The following FBXO33 variants were observed in gnomAD, a reference collection of about 807,000 sequenced individuals.
The protein encoded by FBXO33 is F-box only protein 33.
Under a neutral mutation model 46.3 loss-of-function variants are expected in FBXO33, and 22 were observed. That is an observed-to-expected ratio of 0.48 (90% confidence interval 0.34 to 0.68). The LOEUF is 0.68. FBXO33 is among the 30% of genes least tolerant of loss of function. The pLI, the probability that FBXO33 is intolerant of heterozygous loss-of-function variation, is 0.01. For missense variants in FBXO33, 692 were observed against 708.8 expected, an observed-to-expected ratio of 0.98 and a Z score of 0.27; for synonymous variants, 337 against 291.3, an observed-to-expected ratio of 1.16 and a Z score of -1.60.
Position 39,432,323 on chromosome 14 carries a change from G to A in FBXO33, c.-161C>T. On this transcript the variant is annotated 5_prime_UTR_variant, in exon 1 of 4. Coordinates refer to ENST00000298097, the MANE Select transcript of FBXO33 (RefSeq NM_203301.4). ...CACGTGCGTCCGAGGCCGGCACACT[G>A]AGTAACTGCACTGCCCTCGCTCGTA... The A allele has an allele frequency of 2.1e-6, 1 of 467,914 alleles. No homozygotes were observed. The highest frequency in any genetic ancestry group is 4.6e-5 in the East Asian group (1 of 21,832). 29.0% of individuals were successfully genotyped at this position (467,914 alleles called of 1,614,324 possible).
At chr14:39,408,996 C>T (rs1188643137) in intron 1 of FBXO33, among the ~76,000 whole-genome samples, 3 of 151,786 alleles carry the variant, frequency 2.0e-5, no homozygotes, top group African/African-American at 4.8e-5. Flanking sequence ...AGGCTGGTCT[C>T]GAGCTCCTGG....
chr14:39,411,284 G>A (rs1345741907), intron 1 of FBXO33, among the ~76,000 whole-genome samples: 1 of 151,746 alleles, frequency 6.6e-6, no homozygotes, highest in African/African-American at 2.4e-5. Context: ...AGTAGAGACA[G>A]GGTTTCACTA....
intron 1 of FBXO33, among the ~76,000 whole-genome samples, chr14:39,416,415 A>G (rs1474781851): frequency 6.6e-6 from 1 of 152,062 alleles, no homozygotes; most frequent in Non-Finnish European, 1.5e-5. Flanking sequence ...CCCTCACCAG[A>G]TTTGGGAAAT....
rs1268196312 is a variant in FBXO33 at position 39,399,700 on chromosome 14, A to G, written c.1484T>C (p.Ile495Thr). The G allele has an allele frequency of 3.1e-6, 5 of 1,614,078 alleles. No homozygotes were observed. Among genetic ancestry groups the G allele is most frequent in the East Asian group, 2.2e-5 (1 of 44,880 alleles). The change falls in exon 4 of 4, where the codon ATT becomes ACT. Residue 495 changes from isoleucine to threonine, a missense_variant. Around this residue, in one of 3 missense-constraint regions of FBXO33, gnomAD observed 94 missense variants for 91.9 expected, o/e 1.02. Coordinates refer to ENST00000298097, the MANE Select transcript of FBXO33 (RefSeq NM_203301.4). ...GGCCAGTTCACCTTGGTCAAAATCAATGCTTTCTTCGGTGACTTCAAGCAC... is the reference window on the plus strand; with the variant it reads ...GGCCAGTTCACCTTGGTCAAAATCAGTGCTTTCTTCGGTGACTTCAAGCAC... ...LKVLEVTEES[I>T]DFDQGELADQ... is the part of the protein sequence containing the mutation.
Position 39,432,265 on chromosome 14 carries a change from C to T in FBXO33, c.-103G>A, listed in dbSNP as rs1372830426. On this transcript the variant is annotated 5_prime_UTR_variant, in exon 1 of 4. Coordinates refer to ENST00000298097, the MANE Select transcript of FBXO33 (RefSeq NM_203301.4). ...AAAGGCCTCTGCGGGCGTGGCCTGC[C>T]GGGAGCCAGCCTCTGTCTTCTCAAA... 6 of 984,572 alleles carry T rather than the reference C, an allele frequency of 6.1e-6. No individual in the cohort carries two copies. In the East Asian group the frequency reaches 2.1e-4, roughly 35 times the overall value. 61.0% of individuals were successfully genotyped at this position (984,572 alleles called of 1,614,324 possible).
intron 1 of FBXO33, among the ~76,000 whole-genome samples, chr14:39,402,827 C>T (rs866510574): frequency 3.9e-5 from 6 of 152,018 alleles, no homozygotes; most frequent in African/African-American, 9.6e-5. Flanking sequence ...GGACTACAGG[C>T]GCCCGCCACC....
At chr14:39,403,576 T>C (rs1408162264) in intron 1 of FBXO33, among the ~76,000 whole-genome samples, 2 of 152,178 alleles carry the variant, frequency 1.3e-5, no homozygotes, top group South Asian at 2.1e-4. Flanking sequence ...TAGAAAACTA[T>C]GTTAAAATCT....
intron 1 of FBXO33, among the ~76,000 whole-genome samples, chr14:39,410,824 A>C (rs1366162625): frequency 6.6e-6 from 1 of 152,160 alleles, no homozygotes; most frequent in Non-Finnish European, 1.5e-5. Flanking sequence ...GAAGGCTCAC[A>C]GGAGTCTCTT....
chr14:39,418,738 G>A (rs2075463118), intron 1 of FBXO33, among the ~76,000 whole-genome samples: 1 of 143,958 alleles, frequency 6.9e-6, no homozygotes, highest in Non-Finnish European at 1.5e-5. Flanking sequence ...TCGCGCCACT[G>A]CACTCCAGCC....
rs1185609967 is a variant in FBXO33, at chr14:39,398,754, C to T, written c.*762G>A. 6.6e-6 allele frequency: 1 copy of T among 152,540 alleles called. No homozygotes were observed. Among genetic ancestry groups the T allele is most frequent in the Non-Finnish European group, 1.5e-5 (1 of 68,012 alleles). The allele number at this position is 152,540 out of a possible 1,614,324, so 9.4% of individuals were successfully genotyped here. A position where few individuals can be genotyped will look rare whatever the true frequency, so the allele number is the denominator to read the frequency against. On this transcript the variant is annotated 3_prime_UTR_variant, in exon 4 of 4. Transcript: ENST00000298097. ...TATTTACAACTCTGTGTTTTTATTT[C>T]CTTTAGGAGATTTTACTCTGAAATA...
chr14:39,428,082 T>C (rs371187139), intron 1 of FBXO33, among the ~76,000 whole-genome samples: 34 of 152,362 alleles, frequency 2.2e-4, no homozygotes, highest in African/African-American at 7.9e-4. Context: ...TTACAGGATA[T>C]ATAAGCAGAC....
intron 1 of FBXO33, among the ~76,000 whole-genome samples, chr14:39,419,359 A>AC (rs1462889624): frequency 7.2e-5 from 11 of 152,034 alleles, no homozygotes; most frequent in Non-Finnish European, 1.3e-4. Context: ...AGAAAACCAT[A>AC]AAAAAAATGA....
At chr14:39,410,249 GAA>G (rs2075416608) in intron 1 of FBXO33, among the ~76,000 whole-genome samples, 1 of 152,182 alleles carries the variant, frequency 6.6e-6, no homozygotes, top group African/African-American at 2.4e-5. Context: ...TATCATGAAA[GAA>G]TGTTGAATTT....
In FBXO33 at chr14:39,401,525, C is replaced by T; in HGVS notation, c.1047G>A (p.Lys349=). 1 of 1,614,190 alleles carries T rather than the reference C, an allele frequency of 6.2e-7. No individual in the cohort carries two copies. The highest frequency in any genetic ancestry group is 1.1e-5 in the South Asian group (1 of 91,084). ...CATCATTTGGCATGTTGTCCAGAGACTTGTGCATTACAGAAACATTGTGAA... is the reference window on the plus strand; with the variant it reads ...CATCATTTGGCATGTTGTCCAGAGATTTGTGCATTACAGAAACATTGTGAA... ...LLVHNVSVMH[K]SLDNMPNDEH... Residue 349 remains lysine (K), a synonymous_variant, in exon 3 of 4, where the codon AAG becomes AAA. Transcript: ENST00000298097.
chr14:39,404,395 C>T (rs907500331), intron 1 of FBXO33, among the ~76,000 whole-genome samples: 2 of 152,250 alleles, frequency 1.3e-5, no homozygotes, highest in South Asian at 2.1e-4. Context: ...GGCACGATCT[C>T]GGTTCACTGC....
chr14:39,428,407 C>T (rs2075526424), intron 1 of FBXO33, among the ~76,000 whole-genome samples: 1 of 152,050 alleles, frequency 6.6e-6, no homozygotes, highest in Non-Finnish European at 1.5e-5. Flanking sequence ...GCCATATTGA[C>T]CAGGCTGGTC....
intron 1 of FBXO33, among the ~76,000 whole-genome samples, chr14:39,422,075 T>A (rs2075487985): frequency 6.6e-6 from 1 of 152,092 alleles, no homozygotes; most frequent in African/African-American, 2.4e-5. Context: ...CTGGGCAACA[T>A]GGTGAAACCC....
rs770466131 is a variant in FBXO33 at position 39,401,798 on chromosome 14, C to T, written c.774G>A (p.Gly258=). 3.8e-5 allele frequency: 62 copies of T among 1,614,038 alleles called. No homozygotes were observed. In the Middle Eastern group the frequency reaches 4.9e-4, roughly 13 times the overall value. ...TTGGGGTTACTATTTCCAGCATAAA[C>T]CCACAGGACAGCCATTTCAGTTGCC... ...NSRQLKWLSC[G]FMLEIVTPTS... is the part of the protein sequence containing the mutation. Residue 258 remains glycine, a synonymous_variant, in exon 3 of 4, where the codon GGG becomes GGA. Transcript: ENST00000298097.
chr14:39,399,870 G>C (rs1472772206), intron 3 of FBXO33, 83 bp from the exon 4 acceptor site: 3 of 1,388,754 alleles, frequency 2.2e-6, no homozygotes, highest in Non-Finnish European at 2.9e-6. Context: ...CTCATTCAAA[G>C]CTTCTAGAGA....
Sources: allele counts gnomAD v4.1 joint callset (sites outside exome capture counted in the v4.1 genomes callset), GRCh38; gene constraint gnomAD v4.1.1; regional missense constraint gnomAD v4.1.1; transcripts MANE v1.5; gene names NCBI Gene and HGNC (gene_info 2026-07-23, HGNC 2026-07-21).